The following RAB4B variants were observed in gnomAD, a reference collection of about 807,000 sequenced individuals.
RAB4B encodes ras-related protein Rab-4B.
In RAB4B, 15 loss-of-function variants were observed where a neutral mutation model predicts 28.3. The observed-to-expected ratio is 0.53, with a 90% CI of 0.35 to 0.82. The LOEUF is 0.82. Among genes scored for constraint, RAB4B ranks in the 40% least tolerant of loss-of-function variants. The probability of loss-of-function intolerance (pLI) is 0.01; values close to 1 mark genes in which losing one functional copy is unlikely to be tolerated. For synonymous variants in RAB4B, 108 were observed against 116.3 expected (o/e 0.93, Z 0.46); for missense variants, 244 against 288.5 (o/e 0.85, Z 1.12).
chr19:40,783,514 C>T (rs2083070248), intron 3 of RAB4B, among the ~76,000 whole-genome samples: 1 of 152,058 alleles, frequency 6.6e-6, no homozygotes, highest in Admixed American at 6.6e-5. Context: ...GATAGGGACA[C>T]AGGGAGAGAC....
intron 7 of RAB4B, among the ~76,000 whole-genome samples, chr19:40,795,462 T>C (rs1350474190): frequency 4.6e-5 from 7 of 151,766 alleles, no homozygotes; most frequent in African/African-American, 1.7e-4. Context: ...TGCAGTGGTG[T>C]GATCTTGGCT....
Position 40,783,766 on chromosome 19 carries a change from C to T in RAB4B, c.213-12C>T. ...CAGCCTTGGGGGTGACTGGGTCCCC[C>T]TGGCCCCACAGGTCAGTGACGCGGA... is the stretch of plus-strand genomic sequence containing the variant. On this transcript the variant is annotated splice_polypyrimidine_tract_variant and intron_variant, in intron 3 of 7. Transcript: ENST00000357052. The T allele has an allele frequency of 6.5e-7, 1 of 1,529,174 alleles. No homozygotes were observed. The highest frequency in any genetic ancestry group is 2.4e-4 in the Middle Eastern group (1 of 4,100). The allele number at this position is 1,529,174 out of a possible 1,614,324, so 94.7% of individuals were successfully genotyped here. A position where few individuals can be genotyped will look rare whatever the true frequency, so the allele number is the denominator to read the frequency against.
intron 7 of RAB4B, among the ~76,000 whole-genome samples, chr19:40,788,214 C>T (rs1035240069): frequency 3.3e-5 from 5 of 151,818 alleles, no homozygotes; most frequent in African/African-American, 9.7e-5. Context: ...AGATGTAAGT[C>T]GACTGGGCGC....
At chr19:40,794,132 T>A (rs1347330623) in intron 7 of RAB4B, among the ~76,000 whole-genome samples, 1 of 151,930 alleles carries the variant, frequency 6.6e-6, no homozygotes, top group East Asian at 1.9e-4. Flanking sequence ...TGGAGTGCAA[T>A]GGTGTGGTCT....
At chr19:40,779,847 G>A (rs1277671120) in intron 1 of RAB4B, 172 bp from the exon 2 acceptor site, 2 of 1,439,504 alleles carry the variant, frequency 1.4e-6, no homozygotes, top group Non-Finnish European at 1.8e-6. Context: ...CACATGGCAA[G>A]TACTACATAA....
In RAB4B at chr19:40,778,283, G is replaced by T. The variant is rs116196678; in HGVS notation, c.-93G>T. ...TGCCGGGCCCGGGGAGTAGGAAGGAGCCGGGGCTGTAGCCGGAGTGGAGCG... is the reference window on the plus strand; with the variant it reads ...TGCCGGGCCCGGGGAGTAGGAAGGATCCGGGGCTGTAGCCGGAGTGGAGCG... On this transcript the variant is annotated 5_prime_UTR_variant, in exon 1 of 8. Coordinates refer to ENST00000357052, the MANE Select transcript of RAB4B (RefSeq NM_016154.5). 1,900 of 1,301,594 alleles carry T rather than the reference G, an allele frequency of 1.5e-3. 22 individuals carry two copies. The African/African-American group carries it at 0.023, about 16-fold the overall frequency. The allele number at this position is 1,301,594 out of a possible 1,614,324, so 80.6% of individuals were successfully genotyped here.
intron 3 of RAB4B, 81 bp from the exon 4 acceptor site, chr19:40,783,697 C>A: frequency 1.4e-6 from 2 of 1,382,238 alleles, no homozygotes; most frequent in Non-Finnish European, 9.6e-7. Context: ...GCCTCCGAAC[C>A]ACCAGTCTGT....
intron 7 of RAB4B, among the ~76,000 whole-genome samples, chr19:40,787,700 T>G: frequency 6.8e-6 from 1 of 147,384 alleles, no homozygotes; most frequent in Non-Finnish European, 1.5e-5. Flanking sequence ...TCAGGTGGGA[T>G]GAGGGGACAC....
chr19:40,780,639 A>G (rs1476561353), intron 3 of RAB4B, 140 bp downstream of exon 3: 2 of 681,636 alleles, frequency 2.9e-6, no homozygotes, highest in Middle Eastern at 3.8e-4. Flanking sequence ...GTTAGCAGGT[A>G]TATATATCCA....
At chr19:40,792,812 G>A (rs139637824) in intron 7 of RAB4B, among the ~76,000 whole-genome samples, 2 of 151,568 alleles carry the variant, frequency 1.3e-5, no homozygotes, top group African/African-American at 4.8e-5. Flanking sequence ...ACAGAGTCTC[G>A]CTCTGTTACC....
chr19:40,784,604 T>A (rs1470818902), intron 5 of RAB4B, among the ~76,000 whole-genome samples: 2 of 152,190 alleles, frequency 1.3e-5, no homozygotes, highest in Non-Finnish European at 2.9e-5. Context: ...TCACAGTGTT[T>A]CTGCCCCACA....
At chr19:40,778,730 G>A (rs1042426553) in intron 1 of RAB4B, among the ~76,000 whole-genome samples, 1 of 152,110 alleles carries the variant, frequency 6.6e-6, no homozygotes, top group East Asian at 1.9e-4. Flanking sequence ...GGCAGGAGTC[G>A]GGCTTATGGG....
rs573778944 is a variant in RAB4B, at chr19:40,782,123, C to T, written c.212+1624C>T. Among the ~76,000 whole-genome samples the T allele has an allele frequency of 2.6e-5, 4 of 151,814 alleles. No homozygotes were observed. In the South Asian group the frequency reaches 6.2e-4, roughly 24 times the overall value. ...GGAAAAGTGTGATCTATGGCAGCAT[C>T]TAGTAGCTGCTGAGTTAATTCTTGC... On this transcript the variant is annotated intron_variant, in intron 3 of 7. Coordinates refer to ENST00000357052, the MANE Select transcript of RAB4B (RefSeq NM_016154.5).
intron 7 of RAB4B, among the ~76,000 whole-genome samples, chr19:40,790,291 G>A (rs988398907): frequency 7.9e-5 from 12 of 152,044 alleles, no homozygotes; most frequent in Non-Finnish European, 1.8e-4. Context: ...AAGAGGAGTG[G>A]CTGAGAAGGG....
Position 40,783,839 on chromosome 19 carries a change from A to AGGTGGGTGCCCGGGGTGGGTGCCCGG in RAB4B, c.275+20_275+21insCCCGGGGTGGGTGCCCGGGGTGGGTG. The AGGTGGGTGCCCGGGGTGGGTGCCCGG allele has an allele frequency of 9.3e-7, 1 of 1,074,760 alleles. No homozygotes were observed. The highest frequency in any genetic ancestry group is 1.8e-5 in the African/African-American group (1 of 55,758). The allele number at this position is 1,074,760 out of a possible 1,614,324, so 66.6% of individuals were successfully genotyped here. A position where few individuals can be genotyped will look rare whatever the true frequency, so the allele number is the denominator to read the frequency against. ...AGCCCTGCTGGTGTACGACATCACC[A>AGGTGGGTGCCCGGGGTGGGTGCCCGG]GGTGGGTGCCCGGGGTGGGTGGGGT... On this transcript the variant is annotated frameshift_variant and splice_region_variant, in exon 4 of 8. Coordinates refer to ENST00000357052, the MANE Select transcript of RAB4B (RefSeq NM_016154.5). LOFTEE classifies it high-confidence loss of function.
intron 7 of RAB4B, chr19:40,792,291 T>C (rs2083166235): frequency 6.6e-6 from 1 of 152,258 alleles, no homozygotes; most frequent in African/African-American, 2.4e-5. Context: ...CCTGCTTCTA[T>C]AGATGTTGAG....
At chr19:40,795,156 G>A (rs573009624) in intron 7 of RAB4B, among the ~76,000 whole-genome samples, 10 of 140,736 alleles carry the variant, frequency 7.1e-5, no homozygotes, top group African/African-American at 7.9e-5. Context: ...GCAATAGAGC[G>A]AGGCTCCATC....
intron 1 of RAB4B, chr19:40,779,779 A>G (rs777158132): frequency 4.8e-6 from 5 of 1,035,212 alleles, no homozygotes; most frequent in Non-Finnish European, 6.5e-6. Context: ...AAACCCCTGC[A>G]CATGTACTCC....
chr19:40,783,171 A>AAAAAAT (rs1568491949), intron 3 of RAB4B, among the ~76,000 whole-genome samples: 6 of 133,330 alleles, frequency 4.5e-5, no homozygotes, highest in African/African-American at 5.9e-5. Context: ...AAAAAAAAAA[A>AAAAAAT]AGAAAAAGGA....
Sources: allele counts gnomAD v4.1 joint callset (sites outside exome capture counted in the v4.1 genomes callset), GRCh38; gene constraint gnomAD v4.1.1; transcripts MANE v1.5; gene names NCBI Gene and HGNC (gene_info 2026-07-23, HGNC 2026-07-21).